The following CORIN variants were observed in gnomAD, a reference collection of about 807,000 sequenced individuals.
The protein encoded by CORIN is atrial natriuretic peptide-converting enzyme.
CORIN carries 117 observed loss-of-function variants against 125.3 expected under a neutral mutation model. The observed-to-expected ratio is 0.93, with a 90% CI of 0.80 to 1.09. The LOEUF (loss-of-function observed/expected upper bound fraction) is 1.09, where lower values mean the gene tolerates loss of function less well. Ranked by LOEUF, CORIN falls within the 50% of genes least tolerant of loss-of-function variation. The probability of loss-of-function intolerance (pLI) is 0.00; values close to 1 mark genes in which losing one functional copy is unlikely to be tolerated. For synonymous variants in CORIN, 450 were observed against 466.4 expected (o/e 0.96, Z 0.45); for missense variants, 1,253 against 1,306.7 (o/e 0.96, Z 0.63).
At chr4:47,609,306 C>A (rs1340593461) in intron 19 of CORIN, among the ~76,000 whole-genome samples, 1 of 152,164 alleles carries the variant, frequency 6.6e-6, no homozygotes, top group East Asian at 1.9e-4. Flanking sequence ...ATGGCGCAAT[C>A]TCAGCTCACT....
At chr4:47,605,817 TC>T (rs912650534) in intron 19 of CORIN, among the ~76,000 whole-genome samples, 1 of 152,046 alleles carries the variant, frequency 6.6e-6, no homozygotes, top group African/African-American at 2.4e-5. Context: ...CCACAACCCT[TC>T]TTTTCTTGGC....
chr4:47,813,260 T>C (rs904544656), intron 1 of CORIN, among the ~76,000 whole-genome samples: 9 of 152,170 alleles, frequency 5.9e-5, no homozygotes, highest in African/African-American at 2.2e-4. Context: ...ACTAAAAATA[T>C]CCAGCAAAGT....
intron 13 of CORIN, among the ~76,000 whole-genome samples, chr4:47,645,813 G>T (rs1022368544): frequency 6.6e-6 from 1 of 152,162 alleles, no homozygotes; most frequent in African/African-American, 2.4e-5. Flanking sequence ...TTGAACTCAG[G>T]AGGTGGAGGT....
At chr4:47,806,706 C>A (rs574054797) in intron 2 of CORIN, among the ~76,000 whole-genome samples, 197 bp downstream of exon 2, 2 of 152,268 alleles carry the variant, frequency 1.3e-5, no homozygotes, top group African/African-American at 4.8e-5. Flanking sequence ...TTCATAAACT[C>A]ATTCATTAAT....
intron 1 of CORIN, among the ~76,000 whole-genome samples, chr4:47,830,990 C>A (rs1047526992): frequency 1.3e-5 from 2 of 152,232 alleles, no homozygotes; most frequent in Non-Finnish European, 2.9e-5. Context: ...GAAGCACAAG[C>A]TGGAGACACC....
intron 6 of CORIN, among the ~76,000 whole-genome samples, chr4:47,688,668 A>T (rs1725633463): frequency 6.6e-6 from 1 of 152,198 alleles, no homozygotes; most frequent in Non-Finnish European, 1.5e-5. Flanking sequence ...TGATTTGATT[A>T]AAAGACTCAT....
In CORIN at chr4:47,655,360, CA is replaced by C. The variant is rs538067754; in HGVS notation, c.1736-1701del. Among the ~76,000 whole-genome samples the C allele has an allele frequency of 1.5e-4, 23 of 152,266 alleles. No individual in the cohort carries two copies. In the East Asian group the frequency reaches 4.3e-3, roughly 28 times the overall value. On this transcript the variant is annotated intron_variant, in intron 12 of 21. Transcript: ENST00000273857. ...GCTTGGCCACAGCGGGGTAGAACAT[CA>C]AGTGAATTCTTGGGGTCTCTAATTC...
Position 47,678,033 on chromosome 4 carries a change from A to C in CORIN, c.1154T>G (p.Val385Gly), listed in dbSNP as rs528926972. 66 of 1,613,790 alleles carry C rather than the reference A, an allele frequency of 4.1e-5. No individual in the cohort carries two copies. In the East Asian group the frequency reaches 1.4e-3, roughly 35 times the overall value. Residue 385 changes from valine to glycine, a missense_variant, in exon 9 of 22, where the codon GTG becomes GGG. By Grantham distance (109) the Val-to-Gly change is moderately radical (BLOSUM62 -3). Transcript: ENST00000273857. ...VNCSCHSQGLVECRNGQCIPS... is the reference protein window; with the variant it reads ...VNCSCHSQGLGECRNGQCIPS... ...GATACATTGTCCATTTCTGCATTCC[A>C]CCAGACCCTGGCTGTGACAGGCTAG... is the stretch of plus-strand genomic sequence containing the variant.
At chr4:47,608,324 A>G (rs1166829783) in intron 19 of CORIN, among the ~76,000 whole-genome samples, 2 of 152,248 alleles carry the variant, frequency 1.3e-5, no homozygotes, top group East Asian at 3.9e-4. Flanking sequence ...CCATCGCCAA[A>G]GAAAAAAAAA....
chr4:47,824,881 TC>T (rs1287122197), intron 1 of CORIN, among the ~76,000 whole-genome samples: 2 of 152,092 alleles, frequency 1.3e-5, no homozygotes, highest in African/African-American at 4.8e-5. Context: ...GCTTGAAAGA[TC>T]CCTCCCCACT....
intron 3 of CORIN, among the ~76,000 whole-genome samples, chr4:47,765,278 C>T (rs1461412770): frequency 3.3e-5 from 5 of 151,242 alleles, no homozygotes; most frequent in African/African-American, 9.7e-5. Flanking sequence ...GCCACTGCAC[C>T]CCAGCCTGGG....
At chr4:47,608,434 C>T (rs1721746220) in intron 19 of CORIN, among the ~76,000 whole-genome samples, 1 of 152,216 alleles carries the variant, frequency 6.6e-6, no homozygotes, top group Admixed American at 6.5e-5. Flanking sequence ...AGCCTCAAAG[C>T]AGCAGCAAGG....
chr4:47,659,348 A>G (rs1239672961), intron 12 of CORIN, among the ~76,000 whole-genome samples: 1 of 152,186 alleles, frequency 6.6e-6, no homozygotes, highest in Non-Finnish European at 1.5e-5. Flanking sequence ...ATCTAGTACC[A>G]ATTTTCTGTG....
At chr4:47,723,173 G>A (rs1296428303) in intron 5 of CORIN, among the ~76,000 whole-genome samples, 1 of 152,196 alleles carries the variant, frequency 6.6e-6, no homozygotes, top group Non-Finnish European at 1.5e-5. Context: ...AGCAGCCAAG[G>A]TTGCCTATTT....
intron 1 of CORIN, among the ~76,000 whole-genome samples, chr4:47,827,091 T>C (rs1281270837): frequency 6.6e-6 from 1 of 152,236 alleles, no homozygotes; most frequent in Admixed American, 6.5e-5. Flanking sequence ...ATTACATCTG[T>C]GGCTAACATT....
intron 4 of CORIN, among the ~76,000 whole-genome samples, chr4:47,748,231 G>A (rs1728751657): frequency 6.6e-6 from 1 of 152,144 alleles, no homozygotes; most frequent in East Asian, 1.9e-4. Flanking sequence ...GAAGGTTGAA[G>A]CATTTTGCTT....
intron 5 of CORIN, among the ~76,000 whole-genome samples, chr4:47,703,867 T>C (rs143864253): frequency 6.6e-6 from 1 of 152,354 alleles, no homozygotes; most frequent in East Asian, 1.9e-4. Context: ...ACCTGGGTTC[T>C]TTGAAACAAC....
intron 8 of CORIN, among the ~76,000 whole-genome samples, chr4:47,679,003 T>A (rs921354709): frequency 3.3e-5 from 5 of 152,254 alleles, no homozygotes; most frequent in Non-Finnish European, 7.3e-5. Flanking sequence ...AAATAAAAAC[T>A]ATGTAATCCA....
At chr4:47,729,922 TCC>T (rs1727787079) in intron 5 of CORIN, among the ~76,000 whole-genome samples, 1 of 152,142 alleles carries the variant, frequency 6.6e-6, no homozygotes, top group African/African-American at 2.4e-5. Context: ...CGCTGGGTGC[TCC>T]GGCTCCAGGG....
Sources: gnomAD v4.1 joint callset for allele counts (sites outside exome capture counted in the v4.1 genomes callset) on GRCh38, gnomAD v4.1.1 for gene constraint, MANE v1.5 for transcripts, NCBI Gene and HGNC (gene_info 2026-07-23, HGNC 2026-07-21) for gene names.